CNTNAP1: variants seen among roughly 807,000 people sequenced by gnomAD.
CNTNAP1 encodes the protein contactin associated protein 1, also known as contactin-associated protein 1.
Under a neutral mutation model 161.5 loss-of-function variants are expected in CNTNAP1, and 80 were observed. The observed-to-expected ratio is 0.50, with a 90% confidence interval of 0.41 to 0.60. The LOEUF is 0.60. CNTNAP1 is among the 20% of genes least tolerant of loss of function. CNTNAP1 has a pLI of 0.00. For missense variants in CNTNAP1, 1,464 were observed against 1,854.8 expected, an observed-to-expected ratio of 0.79 and a Z score of 3.87; for synonymous variants, 695 against 733.1, an observed-to-expected ratio of 0.95 and a Z score of 0.84.
chr17:42,684,880 G>C, intron 3 of CNTNAP1, 111 bp from the exon 4 acceptor site: 1 of 1,276,312 alleles, frequency 7.8e-7, no homozygotes, highest in Non-Finnish European at 1.1e-6. Flanking sequence ...AGCCGAGATC[G>C]TACCACCGCA....
Position 42,694,081 on chromosome 17 carries a change from G to A in CNTNAP1, c.2992+545G>A, listed in dbSNP as rs543772658. ...TCACCACATTGGCCAGGCTGGTCTC[G>A]AACTCTTGACCTTGTGATCTGCCTG... On this transcript the variant is annotated intron_variant, in intron 18 of 23. Transcript: ENST00000264638. 1.6e-4 allele frequency among the ~76,000 whole-genome samples: 24 copies of A among 152,072 alleles called. No homozygotes were observed. In the South Asian group the frequency reaches 5.0e-3, roughly 32 times the overall value.
At chr17:42,696,901 C>T (rs2053158897) in intron 20 of CNTNAP1, among the ~76,000 whole-genome samples, 1 of 152,082 alleles carries the variant, frequency 6.6e-6, no homozygotes, top group South Asian at 2.1e-4. Flanking sequence ...AGGCCAGGTG[C>T]AGCGGCTCAC....
In CNTNAP1 at chr17:42,691,340, G is replaced by A. The variant is rs965512775; in HGVS notation, c.2217-44G>A. 1.1e-5 allele frequency: 17 copies of A among 1,614,044 alleles called. No individual in the cohort carries two copies. Among genetic ancestry groups the A allele is most frequent in the East Asian group, 4.5e-5 (2 of 44,878 alleles). On this transcript the variant is annotated intron_variant, in intron 14 of 23. Transcript: ENST00000264638. This position sits in a 1 kb window ranked among gnomAD's most constrained non-coding sequence, Gnocchi z 4.3. ...GTTTTTAGGACTCCGGGAGTGGGAG[G>A]AGCTGAGTGGCTGGGGCTGAGCCAT... is the stretch of plus-strand genomic sequence containing the variant.
At position 42,688,491 on chromosome 17, in the gene CNTNAP1, G is replaced by A. The variant is rs1203537396; in HGVS notation, c.1336G>A (p.Glu446Lys). 4 of 1,614,182 alleles carry A rather than the reference G, an allele frequency of 2.5e-6. No homozygotes were observed. The highest frequency in any genetic ancestry group is 2.7e-5 in the African/African-American group (2 of 75,024). Reference sequence around the variant, plus strand: ...CCGACTGAATGACGGCTTTTGGCACGAGGTGAATTTTGTGGCACAGGAAAA... The same window carrying A: ...CCGACTGAATGACGGCTTTTGGCACAAGGTGAATTTTGTGGCACAGGAAAA... ...GYRLNDGFWH[E>K]VNFVAQENHA... Residue 446 changes from glutamate to lysine, a missense_variant, in exon 9 of 24, where the codon GAG becomes AAG. Glu to Lys is a moderately conservative substitution (Grantham distance 56). Transcript: ENST00000264638.
Position 42,688,532 on chromosome 17 carries a change from C to T in CNTNAP1, c.1377C>T (p.Ser459=), listed in dbSNP as rs2053046757. 1 of 1,614,080 alleles carries T rather than the reference C, an allele frequency of 6.2e-7. No individual in the cohort carries two copies. Among genetic ancestry groups the T allele is most frequent in the South Asian group, 1.1e-5 (1 of 91,090 alleles). The change falls in exon 9 of 24, where the codon AGC becomes AGT. Residue 459 remains serine, a synonymous_variant. Coordinates refer to ENST00000264638, the MANE Select transcript of CNTNAP1 (RefSeq NM_003632.3). The stretch of plus-strand genomic sequence containing the variant: ...CACAGGAAAACCATGCAGTTATCAG[C>T]ATTGATGATGTGGAAGGGGCAGAGG... The part of the protein sequence containing the change: ...FVAQENHAVI[S]IDDVEGAEVR...
rs866098288 is a variant in CNTNAP1 at position 42,690,637 on chromosome 17, G to A, written c.1856-102G>A. ...GAGGTGGAATGGAGCTGCTGGCCAC[G>A]TTCAGTGGCTCTGAGTTGCAGCAGC... On this transcript the variant is annotated intron_variant, in intron 12 of 23. Transcript: ENST00000264638. The A allele has an allele frequency of 2.7e-5, 33 of 1,206,970 alleles. No homozygotes were observed. The Middle Eastern group carries it at 1.1e-3, about 39-fold the overall frequency. The allele number at this position is 1,206,970 out of a possible 1,614,324, so 74.8% of individuals were successfully genotyped here.
Position 42,682,956 on chromosome 17 carries a change from G to C in CNTNAP1, c.67+60G>C, listed in dbSNP as rs1450571598. On this transcript the variant is annotated intron_variant, in intron 1 of 23. Coordinates refer to ENST00000264638, the MANE Select transcript of CNTNAP1 (RefSeq NM_003632.3). ...CCCAGGAGTCCAGAGCCTGCAGGGC[G>C]GCCCCGAACCGCATTGCGGCTGGGT... 22 of 1,475,214 alleles carry C rather than the reference G, an allele frequency of 1.5e-5. No homozygotes were observed. The South Asian group carries it at 2.4e-4, about 16-fold the overall frequency. The allele number at this position is 1,475,214 out of a possible 1,614,324, so 91.4% of individuals were successfully genotyped here. A position where few individuals can be genotyped will look rare whatever the true frequency, so the allele number is the denominator to read the frequency against.
intron 10 of CNTNAP1, 67 bp downstream of exon 10, chr17:42,689,114 T>C: frequency 6.9e-7 from 1 of 1,458,292 alleles, no homozygotes; most frequent in Non-Finnish European, 9.2e-7. Context: ...CCAGTAGGAA[T>C]GGCCTCTTTC....
At chr17:42,683,359 G>A in intron 1 of CNTNAP1, 17 of 1,081,492 alleles carry the variant, frequency 1.6e-5, no homozygotes, top group Non-Finnish European at 1.9e-5. Context: ...CTGATGCTAA[G>A]GCTGGACATG....
At position 42,691,951 on chromosome 17, in the gene CNTNAP1, C is replaced by A. The variant is rs1438940310; in HGVS notation, c.2490C>A (p.Tyr830Ter). Reference sequence around the variant, plus strand: ...TCCTAGAGAATATGGGGGGCCCTTACTGCCAGTGGCGCCGACCTTATGTGC... The same window carrying A: ...TCCTAGAGAATATGGGGGGCCCTTAATGCCAGTGGCGCCGACCTTATGTGC... Reference protein sequence around the residue: ...GVFLENMGGPYCQWRRPYVRV... With the variant: ...GVFLENMGGP Residue 830 changes from tyrosine to a stop codon, truncating the protein, a stop_gained, in exon 16 of 24, where the codon TAC becomes TAA. Transcript: ENST00000264638. LOFTEE classifies it high-confidence loss of function. The surrounding 1 kb of genome is among the most constrained non-coding windows in gnomAD (Gnocchi z 4.3). 6.2e-7 allele frequency: 1 copy of A among 1,614,016 alleles called. No individual in the cohort carries two copies. Among genetic ancestry groups the A allele is most frequent in the African/African-American group, 1.3e-5 (1 of 74,930 alleles).
intron 18 of CNTNAP1, among the ~76,000 whole-genome samples, chr17:42,695,035 C>G (rs868736444): frequency 2.0e-5 from 3 of 152,160 alleles, no homozygotes; most frequent in African/African-American, 4.8e-5. Context: ...ACCTCTGCCC[C>G]CTGGGCTCAA....
At chr17:42,689,432 A>T in intron 10 of CNTNAP1, 89 bp from the exon 11 acceptor site, 1 of 1,048,924 alleles carries the variant, frequency 9.5e-7, no homozygotes, top group Non-Finnish European at 1.4e-6. Context: ...CTGGGGCTTC[A>T]AGGAGCTGGG....
At position 42,691,420 on chromosome 17, in the gene CNTNAP1, T is replaced by C; in HGVS notation, c.2253T>C (p.His751=). 1 of 1,614,078 alleles carries C rather than the reference T, an allele frequency of 6.2e-7. No homozygotes were observed. Among genetic ancestry groups the C allele is most frequent in the East Asian group, 2.2e-5 (1 of 44,870 alleles). The change falls in exon 15 of 24, where the codon CAT becomes CAC. Residue 751 remains histidine (H), a synonymous_variant. Transcript: ENST00000264638. The surrounding 1 kb of genome is among the most constrained non-coding windows in gnomAD (Gnocchi z 4.3). The part of the protein sequence containing the change: ...TDKGLLTFVD[H]LPVTQVVIGD... Reference sequence around the variant, plus strand: ...AGGGACTGCTGACCTTTGTGGACCATCTGCCTGTCACTCAGGTAGTGATAG... The same window carrying C: ...AGGGACTGCTGACCTTTGTGGACCACCTGCCTGTCACTCAGGTAGTGATAG...
chr17:42,687,424 C>T lies in CNTNAP1; in HGVS notation c.1045-296C>T. ...AGCTCTGTTGGGAAGCTGGCAGGAGCCAGGTCTGTGGTCCAAAATTGCCTC... is the reference window on the plus strand; with the variant it reads ...AGCTCTGTTGGGAAGCTGGCAGGAGTCAGGTCTGTGGTCCAAAATTGCCTC... On this transcript the variant is annotated intron_variant, in intron 7 of 23. Transcript: ENST00000264638. This position sits in a 1 kb window ranked among gnomAD's most constrained non-coding sequence, Gnocchi z 4.7. 1 of 529,038 alleles carries T rather than the reference C, an allele frequency of 1.9e-6. No individual in the cohort carries two copies. Among genetic ancestry groups the T allele is most frequent in the Non-Finnish European group, 3.4e-6 (1 of 297,630 alleles). The allele number at this position is 529,038 out of a possible 1,614,324, so 32.8% of individuals were successfully genotyped here.
At position 42,698,759 on chromosome 17, in the gene CNTNAP1, C is replaced by T. The variant is rs888963438; in HGVS notation, c.4004C>T (p.Pro1335Leu). The T allele has an allele frequency of 6.2e-7, 1 of 1,613,008 alleles. No homozygotes were observed. The highest frequency in any genetic ancestry group is 2.2e-5 in the East Asian group (1 of 44,884). ...CATCCTGGCAGCAAACCTCCCCTACCCACTTCAGGCCCTGCCCAGGTCCCC... is the reference window on the plus strand; with the variant it reads ...CATCCTGGCAGCAAACCTCCCCTACTCACTTCAGGCCCTGCCCAGGTCCCC... ...EYHPGSKPPL[P>L]TSGPAQVPTP... The change falls in exon 24 of 24, where the codon CCC (proline) becomes CTC (leucine). Residue 1335 changes from proline (P) to leucine (L), a missense_variant. Coordinates refer to ENST00000264638, the MANE Select transcript of CNTNAP1 (RefSeq NM_003632.3).
rs544552292 is a variant in CNTNAP1 at position 42,693,633 on chromosome 17, G to A, written c.2992+97G>A. 40 of 1,514,030 alleles carry A rather than the reference G, an allele frequency of 2.6e-5. No homozygotes were observed. The South Asian group carries it at 4.7e-4, about 18-fold the overall frequency. The allele number at this position is 1,514,030 out of a possible 1,614,324, so 93.8% of individuals were successfully genotyped here. ...AATAGCATGTAAAGCCCATATCATG[G>A]AAAATTAGAGTTGTCCCTGGATTCC... On this transcript the variant is annotated intron_variant, in intron 18 of 23. Coordinates refer to ENST00000264638, the MANE Select transcript of CNTNAP1 (RefSeq NM_003632.3).
Position 42,683,820 on chromosome 17 carries a change from G to T in CNTNAP1, c.68-1G>T. ...ACTAACAGTCGGTTTCCCTACCCTAGACGGCTGCGACGAGGAGCTGGTGGG... is the reference window on the plus strand; with the variant it reads ...ACTAACAGTCGGTTTCCCTACCCTATACGGCTGCGACGAGGAGCTGGTGGG... On this transcript the variant is annotated splice_acceptor_variant, in intron 1 of 23. Transcript: ENST00000264638. LOFTEE classifies it high-confidence loss of function. 6.2e-7 allele frequency: 1 copy of T among 1,610,848 alleles called. No individual in the cohort carries two copies.
chr17:42,683,076 GCGCGCC>G (rs2052957874), intron 1 of CNTNAP1, 180 bp downstream of exon 1: 4 of 658,460 alleles, frequency 6.1e-6, no homozygotes, highest in Non-Finnish European at 1.0e-5. Flanking sequence ...AGGCTGCCGC[GCGCGCC>G]CGGGGCTGGG....
At chr17:42,686,634 G>GTTT (rs2053019111) in intron 6 of CNTNAP1, among the ~76,000 whole-genome samples, 1 of 152,270 alleles carries the variant, frequency 6.6e-6, no homozygotes, top group Admixed American at 6.5e-5. Flanking sequence ...TTGTGGAGTT[G>GTTT]TTAAAGACCC....
Sources: allele counts gnomAD v4.1 joint callset (sites outside exome capture counted in the v4.1 genomes callset), GRCh38; gene constraint gnomAD v4.1.1; non-coding constraint Gnocchi (gnomAD v3.1); transcripts MANE v1.5; gene names NCBI Gene and HGNC (gene_info 2026-07-23, HGNC 2026-07-21).